CFAP20DC: variants seen among roughly 807,000 people sequenced by gnomAD.
CFAP20DC encodes the protein protein CFAP20DC.
A neutral mutation model predicts 101.7 loss-of-function variants in CFAP20DC; 84 were observed. The ratio of observed to expected loss-of-function variants is 0.83; its 90% CI spans 0.69 to 0.99. CFAP20DC has a LOEUF of 0.99. CFAP20DC is among the 50% of genes least tolerant of loss of function. CFAP20DC has a pLI of 0.00. For missense variants in CFAP20DC, 1,007 were observed against 970.3 expected, an observed-to-expected ratio of 1.04 and a Z score of -0.50; for synonymous variants, 359 against 351.2, an observed-to-expected ratio of 1.02 and a Z score of -0.25.
downstream of CFAP20DC, among the ~76,000 whole-genome samples, chr3:58,737,759 A>T (rs889395505): frequency 3.3e-5 from 5 of 152,214 alleles, 1 homozygote; most frequent in Non-Finnish European, 7.3e-5. The surrounding 1 kb of genome is among the most constrained non-coding windows in gnomAD (Gnocchi z 4.1). Flanking sequence ...AAAGGCTGAC[A>T]ACTGAGGGAA....
rs1036294334 is a variant in CFAP20DC, at chr3:58,933,949, C to G, written c.393+3699G>C. ...AGCAGAACTGAAGGAAATAGAGACACAAAAAACCCTTCAAAAAATTAATGA... is the reference window on the plus strand; with the variant it reads ...AGCAGAACTGAAGGAAATAGAGACAGAAAAAACCCTTCAAAAAATTAATGA... On this transcript the variant is annotated intron_variant, in intron 5 of 16. Transcript: ENST00000482387. 2.0e-3 allele frequency among the ~76,000 whole-genome samples: 310 copies of G among 151,720 alleles called. 1 individual carries two copies. The highest frequency in any genetic ancestry group is 3.9e-3 in the Non-Finnish European group (262 of 67,926).
intron 4 of CFAP20DC, among the ~76,000 whole-genome samples, chr3:58,947,773 G>T (rs2089550837): frequency 6.6e-6 from 1 of 152,312 alleles, no homozygotes; most frequent in South Asian, 2.1e-4. Flanking sequence ...ATCTCATGAA[G>T]CAGGAGTGAG....
intron 3 of CFAP20DC, among the ~76,000 whole-genome samples, chr3:58,734,008 G>C (rs2067697703): frequency 6.6e-6 from 1 of 152,196 alleles, no homozygotes; most frequent in Non-Finnish European, 1.5e-5. Context: ...CGTGTTGGGG[G>C]AGGAACCTGG....
intron 12 of CFAP20DC, among the ~76,000 whole-genome samples, chr3:58,860,175 C>CAAAAAAAAAAAA (rs10575757): frequency 1.3e-5 from 1 of 78,190 alleles, no homozygotes; most frequent in Non-Finnish European, 2.6e-5. Context: ...AACTCCATCT[C>CAAAAAAAAAAAA]AAAAAAAAAA....
chr3:58,738,181 CTTTTT>C (rs370932098), downstream of CFAP20DC, among the ~76,000 whole-genome samples: 194 of 151,332 alleles, frequency 1.3e-3, 1 homozygote, highest in African/African-American at 4.4e-3. This position sits in a 1 kb window ranked among gnomAD's most constrained non-coding sequence, Gnocchi z 4.4. Context: ...ACAGGCAATT[CTTTTT>C]TTTTAATTTT....
intron 4 of CFAP20DC, among the ~76,000 whole-genome samples, chr3:58,979,384 T>C (rs752340285): frequency 6.6e-6 from 1 of 152,252 alleles, no homozygotes; most frequent in African/African-American, 2.4e-5. Context: ...TTGCTTAGTA[T>C]AGTCTGAATA....
chr3:58,875,494 G>A (rs981305465), intron 7 of CFAP20DC, among the ~76,000 whole-genome samples: 10 of 152,058 alleles, frequency 6.6e-5, no homozygotes, highest in African/African-American at 2.4e-4. Context: ...GGCCTGGGAG[G>A]GATTTCTGTA....
chr3:59,049,833 C>T lies in CFAP20DC; in HGVS notation c.-202G>A. 3 of 630,526 alleles carry T rather than the reference C, an allele frequency of 4.8e-6. No homozygotes were observed. Among genetic ancestry groups the T allele is most frequent in the East Asian group, 5.5e-5 (2 of 36,146 alleles). The allele number at this position is 630,526 out of a possible 1,614,324, so 39.1% of individuals were successfully genotyped here. ...CTCCATCTCCCGCCCTCCATCAGCA[C>T]CATTGCGGCTCCAGCCTCCGCGGTG... On this transcript the variant is annotated 5_prime_UTR_variant, in exon 1 of 17. It adds an upstream start codon to the 5' untranslated region. Coordinates refer to ENST00000482387, the MANE Select transcript of CFAP20DC (RefSeq NM_001394063.1).
At chr3:58,748,678 A>G (rs2068368044) in intron 16 of CFAP20DC, among the ~76,000 whole-genome samples, 1 of 152,182 alleles carries the variant, frequency 6.6e-6, no homozygotes, top group Non-Finnish European at 1.5e-5. Context: ...TGGGTCTAAG[A>G]AGAGTACCAA....
chr3:59,028,344 T>C (rs2093929048), intron 4 of CFAP20DC, among the ~76,000 whole-genome samples: 1 of 152,174 alleles, frequency 6.6e-6, no homozygotes, highest in Non-Finnish European at 1.5e-5. Context: ...TTCAGTAAAG[T>C]CCTTCCTTTA....
At chr3:58,824,623 G>A (rs550673628) in intron 14 of CFAP20DC, 5 of 152,060 alleles carry the variant, frequency 3.3e-5, no homozygotes, top group Admixed American at 2.0e-4. Context: ...TGAAAATGGC[G>A]ATAATGTTGC....
intron 14 of CFAP20DC, among the ~76,000 whole-genome samples, chr3:58,809,819 G>GA (rs1183669344): frequency 1.3e-5 from 2 of 151,606 alleles, no homozygotes; most frequent in African/African-American, 2.4e-5. Flanking sequence ...GACTAATAAA[G>GA]AAAAAAAGAG....
intron 4 of CFAP20DC, among the ~76,000 whole-genome samples, chr3:58,986,408 T>A (rs997434874): frequency 5.9e-5 from 9 of 152,232 alleles, no homozygotes; most frequent in African/African-American, 2.2e-4. Context: ...AGATGTGGCC[T>A]TGGGCTTAAA....
chr3:58,743,117 T>G (rs1203679809), intron 16 of CFAP20DC, among the ~76,000 whole-genome samples: 5 of 152,164 alleles, frequency 3.3e-5, no homozygotes, highest in Non-Finnish European at 1.5e-5. Flanking sequence ...ATTTGTAGTT[T>G]TATTAGTGGT....
intron 14 of CFAP20DC, among the ~76,000 whole-genome samples, chr3:58,810,575 T>C (rs1261261533): frequency 6.6e-6 from 1 of 151,448 alleles, no homozygotes; most frequent in Admixed American, 6.6e-5. Flanking sequence ...GAGCTATCTA[T>C]GACAAACCCA....
chr3:58,978,437 A>C (rs1040582275), intron 4 of CFAP20DC, among the ~76,000 whole-genome samples: 1 of 152,142 alleles, frequency 6.6e-6, no homozygotes, highest in African/African-American at 2.4e-5. Context: ...TGCCAGGTGC[A>C]GTGGCTCACA....
At chr3:58,920,640 A>G (rs910349878) in intron 5 of CFAP20DC, among the ~76,000 whole-genome samples, 13 of 152,198 alleles carry the variant, frequency 8.5e-5, no homozygotes, top group African/African-American at 3.1e-4. Flanking sequence ...ATAAAATTAC[A>G]TTGACTTTCA....
chr3:59,023,399 T>C (rs931911782), intron 4 of CFAP20DC, among the ~76,000 whole-genome samples: 1 of 152,016 alleles, frequency 6.6e-6, no homozygotes, highest in African/African-American at 2.4e-5. Context: ...AACTGGAGGA[T>C]ATGGGAAGTA....
Position 58,884,555 on chromosome 3 carries a change from T to C in CFAP20DC, c.705A>G (p.Ser235=). The C allele has an allele frequency of 6.2e-7, 1 of 1,613,964 alleles. No individual in the cohort carries two copies. The highest frequency in any genetic ancestry group is 2.2e-5 in the East Asian group (1 of 44,870). Residue 235 remains serine, a synonymous_variant, in exon 7 of 17, where the codon TCA becomes TCG. Transcript: ENST00000482387. ...EIKFGGHPLR[S]AESDQFINRG... is the part of the protein sequence containing the mutation. ...TGCCTGAGTGTCTACCTGATTCTGCTGATCTTAGAGGATGGCCTCCGAATT... is the reference window on the plus strand; with the variant it reads ...TGCCTGAGTGTCTACCTGATTCTGCCGATCTTAGAGGATGGCCTCCGAATT...
Sources: gnomAD v4.1 joint callset for allele counts (sites outside exome capture counted in the v4.1 genomes callset) on GRCh38, gnomAD v4.1.1 for gene constraint, Gnocchi (gnomAD v3.1) non-coding constraint, MANE v1.5 for transcripts, NCBI Gene and HGNC (gene_info 2026-07-23, HGNC 2026-07-21) for gene names.